Variants in NOL4L observed in about 807,000 individuals in gnomAD.
The protein encoded by NOL4L is nucleolar protein 4 like, also known as nucleolar protein 4-like.
Under a neutral mutation model 64.5 loss-of-function variants are expected in NOL4L, and 7 were observed. That is an observed-to-expected ratio of 0.11 (90% confidence interval 0.06 to 0.20). The LOEUF is 0.20. Ranked by LOEUF, NOL4L falls within the 10% of genes least tolerant of loss-of-function variation. The probability of loss-of-function intolerance (pLI) is 1.00; values close to 1 mark genes in which losing one functional copy is unlikely to be tolerated. For missense variants in NOL4L, 680 were observed against 967.1 expected (o/e 0.70, Z 3.94); for synonymous variants, 413 against 401.0 (o/e 1.03, Z -0.36).
chr20:32,483,350 C>T, intron 4 of NOL4L: 16 of 983,852 alleles, frequency 1.6e-5, no homozygotes, highest in African/African-American at 1.8e-5. Context: ...GGATCCGGGC[C>T]GGACTCCGTA....
intron 1 of NOL4L, among the ~76,000 whole-genome samples, chr20:32,547,790 T>C (rs866671510): frequency 1.3e-5 from 2 of 152,042 alleles, no homozygotes; most frequent in Admixed American, 1.3e-4. Context: ...TGGAAGCAGC[T>C]CCAGCCATGT....
At chr20:32,508,117 C>T (rs1189040058) in intron 4 of NOL4L, among the ~76,000 whole-genome samples, 3 of 152,236 alleles carry the variant, frequency 2.0e-5, no homozygotes, top group Non-Finnish European at 4.4e-5. Flanking sequence ...TTTGCAAACA[C>T]TACAGATGTC....
At chr20:32,495,464 G>A (rs143797527) in intron 4 of NOL4L, among the ~76,000 whole-genome samples, 6 of 152,332 alleles carry the variant, frequency 3.9e-5, no homozygotes, top group African/African-American at 9.6e-5. Flanking sequence ...TGCTGGGGAC[G>A]AAAGGGGTAG....
intron 1 of NOL4L, among the ~76,000 whole-genome samples, chr20:32,537,657 T>C (rs1568699845): frequency 6.6e-6 from 1 of 152,300 alleles, no homozygotes; most frequent in South Asian, 2.1e-4. Flanking sequence ...ACACCTCTTC[T>C]TCCTTTCCTC....
chr20:32,483,895 G>T (rs1232431985), intron 4 of NOL4L, among the ~76,000 whole-genome samples: 20 of 148,714 alleles, frequency 1.3e-4, no homozygotes, highest in African/African-American at 4.7e-4. Flanking sequence ...CGCTGGACGC[G>T]CCGCCGTGCG....
intron 1 of NOL4L, among the ~76,000 whole-genome samples, chr20:32,564,651 T>G (rs532096682): frequency 6.6e-6 from 1 of 152,358 alleles, no homozygotes; most frequent in South Asian, 2.1e-4. Flanking sequence ...CAATCTTCCC[T>G]CTTTGTGCCT....
intron 4 of NOL4L, among the ~76,000 whole-genome samples, chr20:32,478,711 C>T (rs2015552715): frequency 6.6e-6 from 1 of 152,184 alleles, no homozygotes; most frequent in Non-Finnish European, 1.5e-5. Context: ...CCTGCCTCAG[C>T]CTCCCGAGGA....
chr20:32,569,791 A>G (rs1226926251), intron 1 of NOL4L, among the ~76,000 whole-genome samples: 1 of 152,188 alleles, frequency 6.6e-6, no homozygotes, highest in East Asian at 1.9e-4. Flanking sequence ...TCACCACCAC[A>G]GAGGCGGTAC....
rs371968925 is a variant in NOL4L at position 32,453,050 on chromosome 20, G to A, written c.1498-44C>T. 19 of 1,607,792 alleles carry A rather than the reference G, an allele frequency of 1.2e-5. No homozygotes were observed. The East Asian group carries it at 4.0e-4, about 34-fold the overall frequency. On this transcript the variant is annotated intron_variant, in intron 8 of 10. Transcript: ENST00000621426. This position sits in a 1 kb window ranked among gnomAD's most constrained non-coding sequence, Gnocchi z 5.6. ...TGGAGCTAGCATGGGGCCCGTGGGG[G>A]CCCTGGGCTTGTGCAGAGACCCTGC...
chr20:32,518,707 CGGATGGGT>C (rs1431067332), intron 3 of NOL4L, among the ~76,000 whole-genome samples: 1 of 152,206 alleles, frequency 6.6e-6, no homozygotes, highest in Non-Finnish European at 1.5e-5. Context: ...AGGGGACAGG[CGGATGGGT>C]GGGCAGGAAC....
chr20:32,450,763 C>T (rs537766337), intron 10 of NOL4L, among the ~76,000 whole-genome samples: 2 of 152,260 alleles, frequency 1.3e-5, no homozygotes, highest in South Asian at 4.1e-4. Context: ...CCTGCTGAGC[C>T]CCAGACCCCC....
intron 4 of NOL4L, among the ~76,000 whole-genome samples, chr20:32,476,236 C>CACAA (rs3221068): frequency 6.6e-6 from 1 of 151,482 alleles, no homozygotes; most frequent in Non-Finnish European, 1.5e-5. Context: ...CACACACACA[C>CACAA]GTTCAAAAGG....
chr20:32,500,734 C>A (rs962457936), intron 4 of NOL4L, among the ~76,000 whole-genome samples: 7 of 151,634 alleles, frequency 4.6e-5, no homozygotes, highest in African/African-American at 1.7e-4. Flanking sequence ...AGCAAAGAAG[C>A]ACTAAAAAAC....
Position 32,465,270 on chromosome 20 carries a change from A to C in NOL4L, c.842-8875T>G, listed in dbSNP as rs567086424. 1.2e-5 allele frequency: 5 copies of C among 422,578 alleles called. No individual in the cohort carries two copies. The South Asian group carries it at 3.0e-4, about 26-fold the overall frequency. 26.2% of individuals were successfully genotyped at this position (422,578 alleles called of 1,614,324 possible). A position where few individuals can be genotyped will look rare whatever the true frequency, so the allele number is the denominator to read the frequency against. ...GGAGGAACCAGAGGCTCCAGGGGGA[A>C]GTCACCGACCCATCACCCGGGATGA... On this transcript the variant is annotated intron_variant, in intron 5 of 10. Transcript: ENST00000621426.
chr20:32,501,313 AC>A (rs1383934495), intron 4 of NOL4L, among the ~76,000 whole-genome samples: 8 of 152,230 alleles, frequency 5.3e-5, no homozygotes, highest in African/African-American at 1.9e-4. Flanking sequence ...CACAACTAGT[AC>A]TCTTCGAAAC....
chr20:32,520,993 G>T, intron 2 of NOL4L, 71 bp from the exon 3 acceptor site: 1 of 993,852 alleles, frequency 1.0e-6, no homozygotes, highest in Non-Finnish European at 1.5e-6. Context: ...GGTCACCAAG[G>T]TCTGAGCTTT....
At chr20:32,522,940 G>A (rs1327447491) in intron 2 of NOL4L, among the ~76,000 whole-genome samples, 1 of 152,204 alleles carries the variant, frequency 6.6e-6, no homozygotes, top group African/African-American at 2.4e-5. Context: ...CTGCTCACCT[G>A]CCAATGGGCA....
intron 4 of NOL4L, chr20:32,486,824 A>G: frequency 2.1e-6 from 1 of 466,604 alleles, no homozygotes; most frequent in Non-Finnish European, 4.4e-6. Context: ...GCATCACTTG[A>G]GCCATGTGCT....
intron 4 of NOL4L, among the ~76,000 whole-genome samples, chr20:32,480,377 G>A (rs1049784824): frequency 6.6e-6 from 1 of 152,218 alleles, no homozygotes; most frequent in African/African-American, 2.4e-5. Context: ...ATGTGCAGGG[G>A]ATGTTTCTGG....
Sources: allele counts gnomAD v4.1 joint callset (sites outside exome capture counted in the v4.1 genomes callset), GRCh38; gene constraint gnomAD v4.1.1; non-coding constraint Gnocchi (gnomAD v3.1); transcripts MANE v1.5; gene names NCBI Gene and HGNC (gene_info 2026-07-23, HGNC 2026-07-21).